The following RPRD1B variants were observed in gnomAD, a reference collection of about 807,000 sequenced individuals.
RPRD1B encodes regulation of nuclear pre-mRNA domain containing 1B.
In RPRD1B, 11 loss-of-function variants were observed where a neutral mutation model predicts 41.5. That is an observed-to-expected ratio of 0.27 (90% CI 0.17 to 0.44). The LOEUF is 0.44. RPRD1B is among the 20% of genes least tolerant of loss of function. The pLI is 1.00. For missense variants in RPRD1B, 248 were observed against 389.9 expected (o/e 0.64, Z 3.06); for synonymous variants, 158 against 155.6 (o/e 1.02, Z -0.12).
intron 5 of RPRD1B, among the ~76,000 whole-genome samples, chr20:38,063,859 G>A (rs1196316456): frequency 1.3e-5 from 2 of 152,144 alleles, no homozygotes; most frequent in Non-Finnish European, 2.9e-5. Context: ...TTTTCACTGC[G>A]TATTTGTATA....
At chr20:38,084,159 G>T (rs1243385471) in intron 6 of RPRD1B, among the ~76,000 whole-genome samples, 1 of 152,142 alleles carries the variant, frequency 6.6e-6, no homozygotes, top group Admixed American at 6.5e-5. Context: ...GTTAAATATT[G>T]GTGGGGTGTG....
At chr20:38,062,962 A>G (rs2074008842) in intron 5 of RPRD1B, among the ~76,000 whole-genome samples, 1 of 151,140 alleles carries the variant, frequency 6.6e-6, no homozygotes, top group Non-Finnish European at 1.5e-5. Flanking sequence ...GGCCTCCCAA[A>G]ACACTGGGAT....
At chr20:38,038,937 TGTTTTTCAG>T (rs1008531345) in intron 1 of RPRD1B, among the ~76,000 whole-genome samples, 3 of 152,262 alleles carry the variant, frequency 2.0e-5, no homozygotes, top group Non-Finnish European at 4.4e-5. Context: ...AAAGAGCTTG[TGTTTTTCAG>T]GTACTTTAGC....
chr20:38,054,664 A>G (rs1452262845), intron 3 of RPRD1B, among the ~76,000 whole-genome samples: 5 of 152,180 alleles, frequency 3.3e-5, no homozygotes, highest in African/African-American at 1.2e-4. Context: ...GTGTCGAGGT[A>G]GTGTTTGATG....
At chr20:38,046,718 G>C (rs566871906) in intron 2 of RPRD1B, among the ~76,000 whole-genome samples, 5 of 152,314 alleles carry the variant, frequency 3.3e-5, no homozygotes, top group Non-Finnish European at 5.9e-5. Context: ...AAGTGCTAAG[G>C]CTCTGAGGCA....
chr20:38,071,131 C>T (rs942955039), intron 6 of RPRD1B, among the ~76,000 whole-genome samples: 2 of 152,220 alleles, frequency 1.3e-5, no homozygotes, highest in Admixed American at 6.5e-5. Flanking sequence ...ATGGTGCACA[C>T]ACACAAAGAT....
At chr20:38,076,473 C>CT (rs947157483) in intron 6 of RPRD1B, among the ~76,000 whole-genome samples, 4 of 152,206 alleles carry the variant, frequency 2.6e-5, no homozygotes, top group Non-Finnish European at 5.9e-5. Context: ...ATGTAGCATG[C>CT]TTTGTCTCTC....
intron 6 of RPRD1B, among the ~76,000 whole-genome samples, chr20:38,077,764 GGCCCTATAATCCATTCTTCACATGGCA>G (rs2074477908): frequency 6.6e-6 from 1 of 152,080 alleles, no homozygotes; most frequent in Non-Finnish European, 1.5e-5. Flanking sequence ...TCTGCTCTTA[GGCCCTATAATCCATTCTTCACATGGCA>G]GCCCTATGAT....
At position 38,066,139 on chromosome 20, in the gene RPRD1B, A is replaced by G. The variant is rs2122737023; in HGVS notation, c.714A>G (p.Ala238=). The G allele has an allele frequency of 6.2e-7, 1 of 1,614,218 alleles. No individual in the cohort carries two copies. The highest frequency in any genetic ancestry group is 1.3e-5 in the African/African-American group (1 of 75,058). Residue 238 remains alanine (A), a synonymous_variant, in exon 6 of 7, where the codon GCA becomes GCG. Transcript: ENST00000373433. ...KTVDEACLLL[A]EYNGRLAAEL... ...TAGATGAAGCATGTCTGTTACTAGC[A>G]GAATATAACGGGCGCCTGGCAGCAG...
At chr20:38,038,485 G>GTTTTGT (rs2074027139) in intron 1 of RPRD1B, among the ~76,000 whole-genome samples, 15 of 83,126 alleles carry the variant, frequency 1.8e-4, no homozygotes, top group African/African-American at 8.4e-4. Flanking sequence ...GATTTTTTTT[G>GTTTTGT]TTTTGTTTTT....
At chr20:38,042,434 G>A (rs958151779) in intron 2 of RPRD1B, among the ~76,000 whole-genome samples, 1 of 152,140 alleles carries the variant, frequency 6.6e-6, no homozygotes, top group African/African-American at 2.4e-5. Flanking sequence ...GGAAAAGGGG[G>A]TGGGCAACAC....
intron 6 of RPRD1B, among the ~76,000 whole-genome samples, chr20:38,071,794 A>G (rs2074415781): frequency 6.6e-6 from 1 of 152,226 alleles, no homozygotes; most frequent in African/African-American, 2.4e-5. Flanking sequence ...GATACTGATC[A>G]TCTTTCAGTA....
chr20:38,078,799 C>A (rs2074488140), intron 6 of RPRD1B, among the ~76,000 whole-genome samples: 1 of 152,028 alleles, frequency 6.6e-6, no homozygotes, highest in Non-Finnish European at 1.5e-5. Flanking sequence ...TTTAAAAATT[C>A]TGTGATTTTT....
At chr20:38,061,639 A>T (rs983258710) in intron 5 of RPRD1B, among the ~76,000 whole-genome samples, 3 of 151,848 alleles carry the variant, frequency 2.0e-5, no homozygotes, top group African/African-American at 7.3e-5. Flanking sequence ...CTACTGCCTC[A>T]TTTCTCTGTT....
rs763665562 is a variant in RPRD1B at position 38,048,457 on chromosome 20, G to T, written c.391G>T (p.Asp131Tyr). 3.1e-6 allele frequency: 5 copies of T among 1,610,524 alleles called. No individual in the cohort carries two copies. In the African/African-American group the frequency reaches 6.7e-5, roughly 22 times the overall value. The change falls in exon 3 of 7, where the codon GAC becomes TAC. Residue 131 changes from aspartate (D) to tyrosine (Y), a missense_variant. By Grantham distance (160) the Asp-to-Tyr change is radical. Around this residue, in one of 5 missense-constraint regions of RPRD1B, gnomAD observed 94 missense variants for 82.3 expected, o/e 1.14. Coordinates refer to ENST00000373433, the MANE Select transcript of RPRD1B (RefSeq NM_021215.4). ...FIQQLKLSMEDSKSPPPKATE... is the reference protein window; with the variant it reads ...FIQQLKLSMEYSKSPPPKATE... ...ACAGCAGCTGAAGCTGTCTATGGAG[G>T]ACTCCAAGAGCCCTCCCCCCAAAGG...
chr20:38,078,521 C>G (rs1328538251), intron 6 of RPRD1B, among the ~76,000 whole-genome samples: 1 of 152,110 alleles, frequency 6.6e-6, no homozygotes, highest in African/African-American at 2.4e-5. Context: ...TTCAGAGCAC[C>G]ACATAGGTTG....
intron 4 of RPRD1B, among the ~76,000 whole-genome samples, chr20:38,058,620 T>G (rs1029042298): frequency 6.6e-5 from 10 of 152,238 alleles, no homozygotes; most frequent in African/African-American, 2.4e-4. Flanking sequence ...TATAATAAGT[T>G]TGATACATTT....
In RPRD1B at chr20:38,052,628, G is replaced by A. The variant is rs539691587; in HGVS notation, c.415+4147G>A. Among the ~76,000 whole-genome samples the A allele has an allele frequency of 1.8e-4, 27 of 152,150 alleles. 1 individual carries two copies. In the East Asian group the frequency reaches 4.3e-3, roughly 24 times the overall value. ...TAAAAGTAATATAAAGTCTATAGGT[G>A]TGGTTTTTTTTGTTGTTGTTAACTA... On this transcript the variant is annotated intron_variant, in intron 3 of 6. Transcript: ENST00000373433.
chr20:38,066,955 G>C (rs775384246), intron 6 of RPRD1B, among the ~76,000 whole-genome samples: 1 of 152,104 alleles, frequency 6.6e-6, no homozygotes, highest in Admixed American at 6.5e-5. Context: ...GCGCCCAGCC[G>C]TTTGGAGGTT....
Sources: allele counts gnomAD v4.1 joint callset (sites outside exome capture counted in the v4.1 genomes callset), GRCh38; gene constraint gnomAD v4.1.1; regional missense constraint gnomAD v4.1.1; transcripts MANE v1.5; gene names NCBI Gene and HGNC (gene_info 2026-07-23, HGNC 2026-07-21).